Variants in ST7 observed in about 807,000 individuals in gnomAD.
The protein encoded by ST7 is suppression of tumorigenicity 7, also known as suppressor of tumorigenicity 7 protein.
In ST7, 28 loss-of-function variants were observed where a neutral mutation model predicts 78.7. The observed-to-expected ratio is 0.36, with a 90% CI of 0.26 to 0.49. The LOEUF is 0.49. Among genes scored for constraint, ST7 ranks in the 20% least tolerant of loss-of-function variants. The pLI is 0.99. For missense variants in ST7, 418 were observed against 696.0 expected, an observed-to-expected ratio of 0.60 and a Z score of 4.49; for synonymous variants, 247 against 249.6, an observed-to-expected ratio of 0.99 and a Z score of 0.10.
At chr7:117,154,375 T>C (rs901628452) in intron 9 of ST7, among the ~76,000 whole-genome samples, 1 of 152,202 alleles carries the variant, frequency 6.6e-6, no homozygotes, top group Non-Finnish European at 1.5e-5. Flanking sequence ...TTGTTTAAGA[T>C]GCACAGTCTG....
intron 1 of ST7, among the ~76,000 whole-genome samples, chr7:117,009,787 C>G (rs1477690070): frequency 6.6e-6 from 1 of 152,058 alleles, no homozygotes; most frequent in Non-Finnish European, 1.5e-5. Flanking sequence ...CCACACAGCA[C>G]CTCTTATAAA....
intron 9 of ST7, among the ~76,000 whole-genome samples, chr7:117,169,294 C>T (rs997605900): frequency 6.6e-6 from 1 of 151,914 alleles, no homozygotes; most frequent in Non-Finnish European, 1.5e-5. Flanking sequence ...TGTCACCATG[C>T]CTGACTAATT....
chr7:117,015,099 GA>G, intron 1 of ST7: 1 of 650,068 alleles, frequency 1.5e-6, no homozygotes, highest in Non-Finnish European at 2.2e-6. Flanking sequence ...AAACTACATT[GA>G]TTGTGTGAGT....
chr7:117,009,255 TTGTTTTTTTTTTTTTG>T (rs905590776), intron 1 of ST7, among the ~76,000 whole-genome samples: 27 of 21,968 alleles, frequency 1.2e-3, no homozygotes, highest in African/African-American at 3.8e-3. Context: ...CACTTTTTTT[TTGTTTTTTTTTTTTTG>T]TTTTTGGCCT....
At chr7:117,214,427 T>A (rs1030779076) in intron 13 of ST7, among the ~76,000 whole-genome samples, 1 of 152,194 alleles carries the variant, frequency 6.6e-6, no homozygotes, top group African/African-American at 2.4e-5. Flanking sequence ...CTGATTCTAA[T>A]TTATTCTCTT....
chr7:116,975,204 C>T (rs1258491077), intron 1 of ST7, among the ~76,000 whole-genome samples: 2 of 152,240 alleles, frequency 1.3e-5, no homozygotes, highest in South Asian at 2.1e-4. Flanking sequence ...AGAGCGTGTG[C>T]AGGGGAACTG....
chr7:117,130,491 G>A lies in ST7; in HGVS notation c.450G>A (p.Arg150=), dbSNP rs749811026. ...TAATCATCTTATTTCTCCTTTGCAGGTATACTTGGGTGACAGGACGAGAGC... is the reference window on the plus strand; with the variant it reads ...TAATCATCTTATTTCTCCTTTGCAGATATACTTGGGTGACAGGACGAGAGC... ...LNLFRGAEYN[R]YTWVTGREPL... Residue 150 remains arginine (R), a splice_region_variant and synonymous_variant, in exon 5 of 16, where the codon CGG becomes CGA. Transcript: ENST00000323984. The A allele has an allele frequency of 5.0e-6, 8 of 1,605,152 alleles. No individual in the cohort carries two copies. The East Asian group carries it at 1.8e-4, about 36-fold the overall frequency.
intron 3 of ST7, among the ~76,000 whole-genome samples, chr7:117,127,928 A>G (rs947553690): frequency 2.0e-5 from 3 of 151,880 alleles, no homozygotes; most frequent in Non-Finnish European, 4.4e-5. Flanking sequence ...AATTGAAAAC[A>G]GTTTTCTTTG....
At chr7:116,971,016 A>G (rs1793390622) in intron 1 of ST7, among the ~76,000 whole-genome samples, 1 of 152,184 alleles carries the variant, frequency 6.6e-6, no homozygotes, top group African/African-American at 2.4e-5. Context: ...AAAGGAGAGT[A>G]CATTTTAAGC....
At chr7:117,162,966 T>C (rs1007851818) in intron 9 of ST7, among the ~76,000 whole-genome samples, 1 of 152,202 alleles carries the variant, frequency 6.6e-6, no homozygotes, top group Non-Finnish European at 1.5e-5. Flanking sequence ...TCTGTTCTAC[T>C]TTTTAGTTCT....
intron 15 of ST7, among the ~76,000 whole-genome samples, chr7:117,225,436 G>C (rs1793373705): frequency 6.6e-6 from 1 of 152,050 alleles, no homozygotes; most frequent in Admixed American, 6.5e-5. Flanking sequence ...CTTCATTAAG[G>C]TCTAGCAGTT....
At chr7:117,135,960 T>C (rs931822940) in intron 7 of ST7, 121 bp from the exon 8 acceptor site, 2 of 992,426 alleles carry the variant, frequency 2.0e-6, no homozygotes, top group Non-Finnish European at 3.0e-6. Flanking sequence ...CAGGAGTGCA[T>C]GAACCAGTTG....
intron 1 of ST7, among the ~76,000 whole-genome samples, chr7:117,023,530 T>C (rs910468798): frequency 4.5e-4 from 69 of 152,298 alleles, no homozygotes; most frequent in African/African-American, 1.6e-3. Flanking sequence ...AGACTAATCA[T>C]CACAAAGCAG....
At chr7:117,114,604 T>G (rs1402611895) in intron 2 of ST7, among the ~76,000 whole-genome samples, 1 of 152,254 alleles carries the variant, frequency 6.6e-6, no homozygotes, top group Non-Finnish European at 1.5e-5. Flanking sequence ...TTTCAAGCTT[T>G]GACATCTTTC....
intron 9 of ST7, among the ~76,000 whole-genome samples, chr7:117,167,437 A>G (rs1807656008): frequency 6.6e-6 from 1 of 151,884 alleles, no homozygotes; most frequent in Admixed American, 6.6e-5. Flanking sequence ...CTTTTCTCTG[A>G]AATAGGAAAT....
chr7:117,027,056 CCACTCAGAA>C (rs1435171508), intron 1 of ST7, among the ~76,000 whole-genome samples: 3 of 152,186 alleles, frequency 2.0e-5, no homozygotes, highest in Non-Finnish European at 2.9e-5. Context: ...GGAATGTTGT[CCACTCAGAA>C]CACTTCATCA....
intron 1 of ST7, among the ~76,000 whole-genome samples, chr7:117,099,512 TG>T (rs1307774103): frequency 6.6e-6 from 1 of 152,218 alleles, no homozygotes; most frequent in East Asian, 1.9e-4. Context: ...ACAATTGTTT[TG>T]GGAGTTAGAA....
chr7:117,064,588 T>A (rs1798533831), intron 1 of ST7, among the ~76,000 whole-genome samples: 1 of 152,232 alleles, frequency 6.6e-6, no homozygotes, highest in Admixed American at 6.5e-5. Context: ...ATTTTAATGC[T>A]GTAATACAGA....
In ST7 at chr7:116,996,839, C is replaced by A. The variant is rs573422428; in HGVS notation, c.151+43148C>A. Among the ~76,000 whole-genome samples, 16 of 152,202 alleles carry A rather than the reference C, an allele frequency of 1.1e-4. No individual in the cohort carries two copies. In the South Asian group the frequency reaches 2.9e-3, roughly 28 times the overall value. On this transcript the variant is annotated intron_variant, in intron 1 of 15. Transcript: ENST00000323984. ...TAGCTGATGTTTTTCAAATTTGTGTCCATAAAACATTAGTTCTGGAGACAT... is the reference window on the plus strand; with the variant it reads ...TAGCTGATGTTTTTCAAATTTGTGTACATAAAACATTAGTTCTGGAGACAT...
Sources: gnomAD v4.1 joint callset for allele counts (sites outside exome capture counted in the v4.1 genomes callset) on GRCh38, gnomAD v4.1.1 for gene constraint, MANE v1.5 for transcripts, NCBI Gene and HGNC (gene_info 2026-07-23, HGNC 2026-07-21) for gene names.